Variants in PDE7A observed in about 807,000 individuals in gnomAD.
PDE7A encodes phosphodiesterase 7A.
Under a neutral mutation model 64.3 loss-of-function variants are expected in PDE7A, and 39 were observed. The ratio of observed to expected loss-of-function variants is 0.61; its 90% CI spans 0.47 to 0.79. PDE7A has a LOEUF of 0.79. PDE7A is among the 30% of genes least tolerant of loss of function. The pLI is 0.00. For synonymous variants in PDE7A, 203 were observed against 206.8 expected, an observed-to-expected ratio of 0.98 and a Z score of 0.16; for missense variants, 470 against 582.8, an observed-to-expected ratio of 0.81 and a Z score of 1.99.
chr8:65,737,331 C>T (rs1807183097), intron 6 of PDE7A, among the ~76,000 whole-genome samples: 2 of 151,920 alleles, frequency 1.3e-5, no homozygotes, highest in Admixed American at 1.3e-4. Flanking sequence ...TTCATATGAA[C>T]AATGTGCAAA....
intron 1 of PDE7A, among the ~76,000 whole-genome samples, chr8:65,795,646 A>G (rs1301030567): frequency 1.3e-5 from 2 of 152,198 alleles, no homozygotes; most frequent in African/African-American, 4.8e-5. Context: ...GTACTAGTCC[A>G]TCAGCGTAGA....
intron 3 of PDE7A, among the ~76,000 whole-genome samples, chr8:65,753,869 GC>G (rs138570997): frequency 0.039 from 5,973 of 152,058 alleles, 173 homozygotes; most frequent in Non-Finnish European, 0.06. Context: ...AACATACAAT[GC>G]CTTTTATCTC....
At chr8:65,804,385 G>C (rs528515526) in intron 1 of PDE7A, among the ~76,000 whole-genome samples, 1 of 151,862 alleles carries the variant, frequency 6.6e-6, no homozygotes, top group Non-Finnish European at 1.5e-5. Flanking sequence ...CAAGAAAGTC[G>C]TGTCAACTTT....
At chr8:65,776,977 T>C (rs1809277179) in intron 3 of PDE7A, among the ~76,000 whole-genome samples, 1 of 152,168 alleles carries the variant, frequency 6.6e-6, no homozygotes, top group Non-Finnish European at 1.5e-5. Flanking sequence ...TGATGTTTGC[T>C]ATGGGTTTTG....
chr8:65,756,067 C>G (rs1563490602), intron 3 of PDE7A, among the ~76,000 whole-genome samples: 1 of 152,182 alleles, frequency 6.6e-6, no homozygotes, highest in African/African-American at 2.4e-5. Flanking sequence ...TTTTTGTTTT[C>G]AGGACTGACA....
intron 6 of PDE7A, among the ~76,000 whole-genome samples, 192 bp from the exon 7 acceptor site, chr8:65,735,086 C>A (rs1807069617): frequency 6.6e-6 from 1 of 152,180 alleles, no homozygotes; most frequent in Admixed American, 6.5e-5. Flanking sequence ...ATTTGACTCT[C>A]TATGCTATCA....
chr8:65,730,642 A>G (rs1443882818), intron 7 of PDE7A, among the ~76,000 whole-genome samples: 1 of 151,990 alleles, frequency 6.6e-6, no homozygotes, highest in Non-Finnish European at 1.5e-5. Context: ...AAAACAGAGA[A>G]CTAGGCTGGG....
chr8:65,798,258 G>A (rs1045536723), intron 1 of PDE7A, among the ~76,000 whole-genome samples: 1 of 145,406 alleles, frequency 6.9e-6, no homozygotes, highest in East Asian at 2.0e-4. Flanking sequence ...CTGCTGGAGT[G>A]CAGTGCAGTG....
intron 1 of PDE7A, among the ~76,000 whole-genome samples, chr8:65,833,738 C>A (rs191954432): frequency 6.6e-6 from 1 of 152,026 alleles, no homozygotes; most frequent in South Asian, 2.1e-4. Flanking sequence ...CCAAGGTGGG[C>A]GGATCACTTG....
intron 1 of PDE7A, among the ~76,000 whole-genome samples, chr8:65,809,840 G>A (rs957687674): frequency 2.0e-5 from 3 of 152,122 alleles, no homozygotes; most frequent in African/African-American, 7.2e-5. Flanking sequence ...TAAAAAGTCA[G>A]GAAACAACAG....
intron 3 of PDE7A, among the ~76,000 whole-genome samples, chr8:65,767,534 T>C (rs1808850410): frequency 6.6e-6 from 1 of 152,224 alleles, no homozygotes; most frequent in African/African-American, 2.4e-5. Flanking sequence ...TATCCTCCTT[T>C]CACCTGTTTC....
chr8:65,739,139 T>G lies in PDE7A; in HGVS notation c.595+363A>C, dbSNP rs534147395. Among the ~76,000 whole-genome samples the G allele has an allele frequency of 3.0e-3, 455 of 152,352 alleles. 1 individual carries two copies. The highest frequency in any genetic ancestry group is 5.5e-3 in the Non-Finnish European group (376 of 68,036). ...GCTAATTGTAAAATAAATAATTCTT[T>G]TTTGTTTTTAATGTAAATCTATTAT... On this transcript the variant is annotated intron_variant, in intron 6 of 12. Transcript: ENST00000401827.
In PDE7A at chr8:65,726,866, C is replaced by A. The variant is rs765741652; in HGVS notation, c.920+9G>T. On this transcript the variant is annotated intron_variant, in intron 9 of 12. Transcript: ENST00000401827. ...AGTAACAAATTAAATTTGTCTTAAT[C>A]CAACCTACCTGCTTTCTAATGGCAG... 1.3e-6 allele frequency: 2 copies of A among 1,495,914 alleles called. No individual in the cohort carries two copies. Among genetic ancestry groups the A allele is most frequent in the African/African-American group, 1.4e-5 (1 of 72,446 alleles). 92.7% of individuals were successfully genotyped at this position (1,495,914 alleles called of 1,614,324 possible).
chr8:65,779,896 C>T, intron 2 of PDE7A, 93 bp from the exon 3 acceptor site: 1 of 661,124 alleles, frequency 1.5e-6, no homozygotes, highest in East Asian at 2.8e-5. Flanking sequence ...GTATCATATT[C>T]ATAAGTAACA....
chr8:65,736,943 C>T (rs192707692), intron 6 of PDE7A, among the ~76,000 whole-genome samples: 2,891 of 149,204 alleles, frequency 0.019, 28 homozygotes, highest in African/African-American at 0.025. Flanking sequence ...AGTGCAGTAG[C>T]GTGATCTTGG....
chr8:65,805,963 G>T (rs1267035217), intron 1 of PDE7A, among the ~76,000 whole-genome samples: 1 of 152,120 alleles, frequency 6.6e-6, no homozygotes, highest in Non-Finnish European at 1.5e-5. Context: ...AGGTAATTTG[G>T]CCATGTTTAT....
intron 5 of PDE7A, among the ~76,000 whole-genome samples, chr8:65,745,066 A>G (rs533155449): frequency 1.3e-5 from 2 of 152,280 alleles, no homozygotes; most frequent in African/African-American, 4.8e-5. Context: ...GTGGTAGTGG[A>G]TAAGTCTAAC....
chr8:65,788,565 G>A (rs574402237), intron 1 of PDE7A, among the ~76,000 whole-genome samples: 3 of 152,124 alleles, frequency 2.0e-5, no homozygotes, highest in Non-Finnish European at 4.4e-5. Flanking sequence ...TACACCAAAA[G>A]TATAACTTAA....
At chr8:65,812,024 T>C (rs1448419296) in intron 1 of PDE7A, among the ~76,000 whole-genome samples, 4 of 151,416 alleles carry the variant, frequency 2.6e-5, no homozygotes, top group Non-Finnish European at 5.9e-5. Context: ...CTGGGCAACA[T>C]GGCAAAACCC....
Sources: allele counts gnomAD v4.1 joint callset (sites outside exome capture counted in the v4.1 genomes callset), GRCh38; gene constraint gnomAD v4.1.1; transcripts MANE v1.5; gene names NCBI Gene and HGNC (gene_info 2026-07-23, HGNC 2026-07-21).